Variants in MINDY3 observed in about 807,000 individuals in gnomAD.
MINDY3 encodes the protein ubiquitin carboxyl-terminal hydrolase MINDY-3.
Under a neutral mutation model 69.2 loss-of-function variants are expected in MINDY3, and 38 were observed. That is an observed-to-expected ratio of 0.55 (90% CI 0.42 to 0.72). MINDY3 has a LOEUF of 0.72. Among genes scored for constraint, MINDY3 ranks in the 30% least tolerant of loss-of-function variants. MINDY3 has a pLI of 0.00. For missense variants in MINDY3, 522 were observed against 519.0 expected (o/e 1.01, Z -0.06); for synonymous variants, 192 against 180.1 (o/e 1.07, Z -0.53).
intron 6 of MINDY3, among the ~76,000 whole-genome samples, chr10:15,836,736 T>A (rs1833108419): frequency 7.3e-6 from 1 of 137,750 alleles, no homozygotes; most frequent in Admixed American, 7.5e-5. Context: ...CTATAAAAAT[T>A]TAGAGGAGGA....
chr10:15,829,844 C>T (rs948985065), intron 8 of MINDY3, among the ~76,000 whole-genome samples: 2 of 152,158 alleles, frequency 1.3e-5, no homozygotes, highest in Non-Finnish European at 2.9e-5. Flanking sequence ...GTATTTTTAA[C>T]CTCAATGCAC....
At chr10:15,837,390 A>T (rs1420287000) in intron 5 of MINDY3, 72 bp from the exon 6 acceptor site, 2 of 1,284,422 alleles carry the variant, frequency 1.6e-6, no homozygotes, top group Admixed American at 2.3e-5. Context: ...GAAAATTTTT[A>T]AATTTTCTTA....
chr10:15,810,267 AG>A (rs1033616655), intron 10 of MINDY3, among the ~76,000 whole-genome samples: 2 of 152,216 alleles, frequency 1.3e-5, no homozygotes, highest in Non-Finnish European at 2.9e-5. Flanking sequence ...AAGTCCTAAA[AG>A]TAAATTGTTC....
intron 11 of MINDY3, among the ~76,000 whole-genome samples, chr10:15,792,789 C>T (rs1400596087): frequency 6.6e-6 from 1 of 151,926 alleles, no homozygotes; most frequent in Non-Finnish European, 1.5e-5. Flanking sequence ...AAGAAGAAAA[C>T]AAAATTCATT....
At chr10:15,836,699 C>T (rs1833106143) in intron 6 of MINDY3, among the ~76,000 whole-genome samples, 1 of 151,228 alleles carries the variant, frequency 6.6e-6, no homozygotes, top group African/African-American at 2.4e-5. Flanking sequence ...AAAAGGCATA[C>T]TGGATCCAGG....
Position 15,785,251 on chromosome 10 carries a change from G to C in MINDY3, c.1116+1310C>G, listed in dbSNP as rs369522793. Among the ~76,000 whole-genome samples, 11 of 152,062 alleles carry C rather than the reference G, an allele frequency of 7.2e-5. No homozygotes were observed. The East Asian group carries it at 2.1e-3, about 29-fold the overall frequency. ...GAATAGCAGGCAACAAGTAAACAGT[G>C]AGAGAGGAACACAGAGGCAACAAAC... On this transcript the variant is annotated intron_variant, in intron 13 of 14. Coordinates refer to ENST00000277632, the MANE Select transcript of MINDY3 (RefSeq NM_024948.4).
At chr10:15,827,118 A>G (rs997485177) in intron 8 of MINDY3, among the ~76,000 whole-genome samples, 7 of 150,710 alleles carry the variant, frequency 4.6e-5, no homozygotes, top group Non-Finnish European at 1.5e-5. Flanking sequence ...CCCCGTCTCT[A>G]AAAAATGAAA....
intron 1 of MINDY3, among the ~76,000 whole-genome samples, chr10:15,850,097 C>T (rs915495529): frequency 2.0e-5 from 3 of 152,196 alleles, no homozygotes; most frequent in Admixed American, 2.0e-4. Context: ...GTCTTTACTG[C>T]AATCTCTGAA....
intron 1 of MINDY3, among the ~76,000 whole-genome samples, chr10:15,848,220 A>G (rs1833990917): frequency 6.6e-6 from 1 of 152,228 alleles, no homozygotes; most frequent in Non-Finnish European, 1.5e-5. Flanking sequence ...ATGACACTGA[A>G]TCTGACTTTT....
At chr10:15,785,084 T>C (rs1836853226) in intron 13 of MINDY3, among the ~76,000 whole-genome samples, 1 of 152,104 alleles carries the variant, frequency 6.6e-6, no homozygotes, top group Admixed American at 6.6e-5. Flanking sequence ...AGAATTAGCA[T>C]TTCTAACAAG....
chr10:15,828,251 T>C (rs1231618496), intron 8 of MINDY3, among the ~76,000 whole-genome samples: 1 of 151,974 alleles, frequency 6.6e-6, no homozygotes, highest in Non-Finnish European at 1.5e-5. Flanking sequence ...TAAAGAGGAG[T>C]GAAGTACTGG....
At chr10:15,832,868 G>A (rs1422002013) in intron 8 of MINDY3, among the ~76,000 whole-genome samples, 26 of 152,144 alleles carry the variant, frequency 1.7e-4, no homozygotes, top group Admixed American at 1.7e-3. Context: ...GCAAAAAGTG[G>A]TAACTATTAT....
chr10:15,795,250 T>G (rs901532066), intron 11 of MINDY3, among the ~76,000 whole-genome samples: 1 of 152,012 alleles, frequency 6.6e-6, no homozygotes, highest in African/African-American at 2.4e-5. Flanking sequence ...AAGAAAACAG[T>G]AGACCTAAAA....
At chr10:15,827,712 GAA>G in intron 8 of MINDY3, among the ~76,000 whole-genome samples, 1 of 152,096 alleles carries the variant, frequency 6.6e-6, no homozygotes, top group South Asian at 2.1e-4. Context: ...CTGAACAAAA[GAA>G]AATAACTCCT....
In MINDY3 at chr10:15,821,637, A is replaced by G. The variant is rs1240805457; in HGVS notation, c.801+19T>C. 2.5e-6 allele frequency: 4 copies of G among 1,577,006 alleles called. No homozygotes were observed. The highest frequency in any genetic ancestry group is 3.5e-6 in the Non-Finnish European group (4 of 1,154,722). ...CATCTAAACAAAAAACATTCAAAGTACCTTAAAAATCAATTTACCTTACAG... is the reference window on the plus strand; with the variant it reads ...CATCTAAACAAAAAACATTCAAAGTGCCTTAAAAATCAATTTACCTTACAG... On this transcript the variant is annotated intron_variant, in intron 9 of 14. Transcript: ENST00000277632.
intron 13 of MINDY3, among the ~76,000 whole-genome samples, chr10:15,784,487 G>A (rs1170107110): frequency 6.6e-6 from 1 of 152,180 alleles, no homozygotes; most frequent in Non-Finnish European, 1.5e-5. Flanking sequence ...GCTCATACCT[G>A]TAATCCCAGC....
chr10:15,801,648 A>C (rs7075115), intron 10 of MINDY3, among the ~76,000 whole-genome samples: 93 of 152,238 alleles, frequency 6.1e-4, no homozygotes, highest in African/African-American at 2.1e-3. Context: ...TCTGCAGAAA[A>C]GATGATATGG....
chr10:15,837,825 A>G (rs535293247), intron 5 of MINDY3: 1 of 976,654 alleles, frequency 1.0e-6, no homozygotes, highest in African/African-American at 1.8e-5. Context: ...TGTAATAAAA[A>G]GTTTAAATGC....
At position 15,845,813 on chromosome 10, in the gene MINDY3, A is replaced by ATTT. The variant is rs891710697; in HGVS notation, c.174+2048_174+2050dup. Among the ~76,000 whole-genome samples, 148 of 49,328 alleles carry ATTT rather than the reference A, an allele frequency of 3.0e-3. 28 individuals carry two copies. The highest frequency in any genetic ancestry group is 0.011 in the African/African-American group (132 of 11,602). The allele number at this position is 49,328 out of a possible 152,430, so 32.4% of individuals were successfully genotyped here. ...TGAGCCACCGTGCCTGGCCTATGTG[A>ATTT]TTTTTTTTTTTTTTTTTTTTTTTTT... On this transcript the variant is annotated intron_variant, in intron 2 of 14. Transcript: ENST00000277632.
Sources: gnomAD v4.1 joint callset for allele counts (sites outside exome capture counted in the v4.1 genomes callset) on GRCh38, gnomAD v4.1.1 for gene constraint, MANE v1.5 for transcripts, NCBI Gene and HGNC (gene_info 2026-07-23, HGNC 2026-07-21) for gene names.